ATXN7L1: variants seen among roughly 807,000 people sequenced by gnomAD.
ATXN7L1 encodes ataxin-7-like protein 1.
In ATXN7L1, 15 loss-of-function variants were observed where a neutral mutation model predicts 70.8. That is an observed-to-expected ratio of 0.21 (90% CI 0.14 to 0.33). ATXN7L1 has a LOEUF of 0.33. Ranked by LOEUF, ATXN7L1 falls within the 10% of genes least tolerant of loss-of-function variation. ATXN7L1 has a pLI of 1.00. For synonymous variants in ATXN7L1, 440 were observed against 445.1 expected (o/e 0.99, Z 0.14); for missense variants, 975 against 1,097.1 (o/e 0.89, Z 1.57).
intron 3 of ATXN7L1, among the ~76,000 whole-genome samples, chr7:105,746,354 C>T (rs762169232): frequency 6.6e-6 from 1 of 152,222 alleles, no homozygotes; most frequent in Admixed American, 6.5e-5. Context: ...GAAGGATTTA[C>T]CTGACTGGAT....
chr7:105,635,201 C>T (rs1269669255), intron 7 of ATXN7L1, among the ~76,000 whole-genome samples: 1 of 152,220 alleles, frequency 6.6e-6, no homozygotes, highest in African/African-American at 2.4e-5. Context: ...CTTGTCAGAT[C>T]CCAGCCCTCT....
chr7:105,676,295 A>G (rs561776325), intron 3 of ATXN7L1, among the ~76,000 whole-genome samples: 27 of 152,324 alleles, frequency 1.8e-4, no homozygotes, highest in African/African-American at 6.3e-4. Context: ...AGCCCCCTCC[A>G]AAACCACAAA....
At chr7:105,702,458 G>C (rs1792567104) in intron 3 of ATXN7L1, among the ~76,000 whole-genome samples, 1 of 152,106 alleles carries the variant, frequency 6.6e-6, no homozygotes, top group Admixed American at 6.6e-5. Flanking sequence ...TCCAGGGCAA[G>C]AGGTATAAAT....
At position 105,733,605 on chromosome 7, in the gene ATXN7L1, C is replaced by CCCATCCAT. The variant is rs1563048921; in HGVS notation, c.355+54991_355+54998dup. Among the ~76,000 whole-genome samples the CCCATCCAT allele has an allele frequency of 7.7e-4, 10 of 13,020 alleles. 2 individuals are homozygous for CCCATCCAT. The East Asian group carries it at 9.2e-3, about 12-fold the overall frequency. 8.5% of individuals were successfully genotyped at this position (13,020 alleles called of 152,430 possible). A position where few individuals can be genotyped will look rare whatever the true frequency, so the allele number is the denominator to read the frequency against. ...ACCCATCCATCCATCCATCCATCCA[C>CCCATCCAT]CCATCCATCCATCCATCCATCCATC... On this transcript the variant is annotated intron_variant, in intron 3 of 11. Transcript: ENST00000419735.
intron 3 of ATXN7L1, among the ~76,000 whole-genome samples, chr7:105,752,068 T>C (rs1395787234): frequency 6.6e-6 from 1 of 152,258 alleles, no homozygotes; most frequent in African/African-American, 2.4e-5. Flanking sequence ...AAGAGCTGGT[T>C]AAGCAGCTTC....
At chr7:105,862,505 T>G (rs1470103464) in intron 2 of ATXN7L1, among the ~76,000 whole-genome samples, 1 of 152,192 alleles carries the variant, frequency 6.6e-6, no homozygotes, top group Non-Finnish European at 1.5e-5. Context: ...CTGGCTGGGA[T>G]TCTGTCCCAT....
At chr7:105,715,807 G>A (rs1227608310) in intron 3 of ATXN7L1, among the ~76,000 whole-genome samples, 1 of 152,210 alleles carries the variant, frequency 6.6e-6, no homozygotes, top group African/African-American at 2.4e-5. Flanking sequence ...TGAAAAACTG[G>A]CTGCAAGCAC....
At chr7:105,709,490 G>A (rs566427179) in intron 3 of ATXN7L1, among the ~76,000 whole-genome samples, 151 of 152,076 alleles carry the variant, frequency 9.9e-4, no homozygotes, top group African/African-American at 3.5e-3. Context: ...CAACCAACCC[G>A]AAGCCCACAC....
intron 2 of ATXN7L1, among the ~76,000 whole-genome samples, chr7:105,808,641 C>T (rs1373323797): frequency 6.6e-6 from 1 of 152,158 alleles, no homozygotes; most frequent in Non-Finnish European, 1.5e-5. Context: ...CAAAAAACTG[C>T]TAGGATGTCA....
At chr7:105,698,025 C>G (rs1352725734) in intron 3 of ATXN7L1, among the ~76,000 whole-genome samples, 2 of 152,156 alleles carry the variant, frequency 1.3e-5, no homozygotes, top group African/African-American at 4.8e-5. Context: ...GAGGATGGAG[C>G]CAACACAGGA....
intron 3 of ATXN7L1, among the ~76,000 whole-genome samples, chr7:105,772,039 A>G (rs1802079657): frequency 6.8e-6 from 1 of 145,988 alleles, no homozygotes; most frequent in African/African-American, 2.6e-5. Flanking sequence ...AAACTCACCT[A>G]TTAAAAGACA....
rs114775144 is a variant in ATXN7L1 at position 105,743,378 on chromosome 7, G to C, written c.355+45226C>G. Among the ~76,000 whole-genome samples, 354 of 152,294 alleles carry C rather than the reference G, an allele frequency of 2.3e-3. 2 individuals are homozygous for C. Among genetic ancestry groups the C allele is most frequent in the African/African-American group, 8.1e-3 (336 of 41,548 alleles). ...TGGATTGGAACCCAGTACTCCTTCA[G>C]CTGCACCTGAGTAAGAGTCCCAGGG... On this transcript the variant is annotated intron_variant, in intron 3 of 11. Transcript: ENST00000419735.
At chr7:105,634,354 T>A (rs1402732606) in intron 7 of ATXN7L1, among the ~76,000 whole-genome samples, 1 of 152,172 alleles carries the variant, frequency 6.6e-6, no homozygotes, top group Non-Finnish European at 1.5e-5. Flanking sequence ...AGAGCATCAG[T>A]TTGTCTGAGC....
intron 2 of ATXN7L1, among the ~76,000 whole-genome samples, chr7:105,838,827 A>T (rs1338870427): frequency 6.6e-6 from 1 of 152,226 alleles, no homozygotes; most frequent in Non-Finnish European, 1.5e-5. Flanking sequence ...GGAATGTTCC[A>T]TTATCAATCC....
intron 4 of ATXN7L1, among the ~76,000 whole-genome samples, chr7:105,652,658 C>A (rs542984908): frequency 6.6e-6 from 1 of 152,208 alleles, no homozygotes; most frequent in Admixed American, 6.5e-5. Flanking sequence ...CAAGGGGAGA[C>A]AGGGCAACTC....
chr7:105,619,583 G>A (rs1248703884), intron 9 of ATXN7L1, among the ~76,000 whole-genome samples: 2 of 112,706 alleles, frequency 1.8e-5, no homozygotes, highest in African/African-American at 3.6e-5. Flanking sequence ...AGAGGGTCTT[G>A]CTCCATTGCT....
chr7:105,702,154 C>CTT (rs1792538520), intron 3 of ATXN7L1, among the ~76,000 whole-genome samples: 1 of 152,148 alleles, frequency 6.6e-6, no homozygotes, highest in Non-Finnish European at 1.5e-5. Context: ...GTGCTTTTCT[C>CTT]TTTACAAAGT....
chr7:105,784,633 G>A (rs759032677), intron 3 of ATXN7L1, among the ~76,000 whole-genome samples: 6 of 152,106 alleles, frequency 3.9e-5, no homozygotes, highest in Non-Finnish European at 8.8e-5. Flanking sequence ...GGGGGCGATG[G>A]GGAAAGACGC....
intron 3 of ATXN7L1, among the ~76,000 whole-genome samples, chr7:105,758,386 C>A (rs755689040): frequency 2.6e-5 from 4 of 152,244 alleles, no homozygotes; most frequent in Non-Finnish European, 5.9e-5. Context: ...AAGATTTACA[C>A]TCAGTCAGAG....
Sources: allele counts gnomAD v4.1 joint callset (sites outside exome capture counted in the v4.1 genomes callset), GRCh38; gene constraint gnomAD v4.1.1; transcripts MANE v1.5; gene names NCBI Gene and HGNC (gene_info 2026-07-23, HGNC 2026-07-21).